Variants in COL6A6 observed in about 807,000 individuals in gnomAD.
COL6A6 encodes the protein collagen type VI alpha 6 chain, also known as collagen alpha-6(VI) chain.
A neutral mutation model predicts 208.6 loss-of-function variants in COL6A6; 183 were observed. That is an observed-to-expected ratio of 0.88 (90% CI 0.78 to 0.99). The LOEUF (loss-of-function observed/expected upper bound fraction) is 0.99, where lower values mean the gene tolerates loss of function less well. COL6A6 is among the 50% of genes least tolerant of loss of function. The pLI is 0.00. For missense variants in COL6A6, 2,816 were observed against 2,815.2 expected (o/e 1.00, Z -0.01); for synonymous variants, 973 against 1,011.8 (o/e 0.96, Z 0.73).
chr3:130,593,026 G>T (rs1160032587), intron 15 of COL6A6, 35 bp from the exon 16 acceptor site: 1 of 1,591,774 alleles, frequency 6.3e-7, no homozygotes, highest in East Asian at 2.2e-5. Context: ...ACATGCACGT[G>T]ATGTACTCTG....
intron 29 of COL6A6, 57 bp downstream of exon 29, chr3:130,641,771 C>G: frequency 1.0e-6 from 1 of 980,438 alleles, no homozygotes; most frequent in South Asian, 1.7e-5. Context: ...AAAAAAAAGT[C>G]AGTGCATGAA....
chr3:130,663,973 C>A (rs956895005), intron 35 of COL6A6, among the ~76,000 whole-genome samples: 1 of 152,198 alleles, frequency 6.6e-6, no homozygotes, highest in East Asian at 1.9e-4. Flanking sequence ...CTTGTACTAA[C>A]GCATTCAACA....
chr3:130,531,317 G>A (rs1341346079), intron 1 of COL6A6, among the ~76,000 whole-genome samples: 1 of 152,006 alleles, frequency 6.6e-6, no homozygotes, highest in African/African-American at 2.4e-5. Flanking sequence ...GTAGTGGGTT[G>A]ACCTCTACCC....
chr3:130,532,608 CTA>C (rs966685424), intron 1 of COL6A6, among the ~76,000 whole-genome samples: 1 of 152,236 alleles, frequency 6.6e-6, no homozygotes, highest in African/African-American at 2.4e-5. Flanking sequence ...GTCTCCACTC[CTA>C]TGACTTGTGG....
intron 19 of COL6A6, among the ~76,000 whole-genome samples, chr3:130,598,976 T>G (rs1487195746): frequency 6.6e-6 from 1 of 152,148 alleles, no homozygotes; most frequent in Admixed American, 6.5e-5. Flanking sequence ...TAATGTTCCC[T>G]TGATGACTGT....
chr3:130,603,025 A>G (rs2064071860), intron 20 of COL6A6, among the ~76,000 whole-genome samples: 1 of 152,214 alleles, frequency 6.6e-6, no homozygotes, highest in Admixed American at 6.5e-5. Flanking sequence ...TAAGCGGGTA[A>G]GTGATTGGAG....
At chr3:130,604,295 C>A (rs541353481) in intron 20 of COL6A6, among the ~76,000 whole-genome samples, 1 of 152,148 alleles carries the variant, frequency 6.6e-6, no homozygotes, top group South Asian at 2.1e-4. Context: ...AGATCGAGAC[C>A]ATCCTGGCTA....
At chr3:130,646,071 C>T (rs2065454329) in intron 32 of COL6A6, among the ~76,000 whole-genome samples, 1 of 152,048 alleles carries the variant, frequency 6.6e-6, no homozygotes, top group South Asian at 2.1e-4. Context: ...AAAGGGAAGC[C>T]CAGCACATTA....
intron 23 of COL6A6, among the ~76,000 whole-genome samples, chr3:130,611,058 G>A (rs1375092073): frequency 6.7e-6 from 1 of 149,974 alleles, no homozygotes; most frequent in African/African-American, 2.4e-5. Context: ...GGCTAAATAT[G>A]ATAATCTCCT....
chr3:130,641,224 T>C (rs1467352434), intron 28 of COL6A6, among the ~76,000 whole-genome samples: 1 of 145,008 alleles, frequency 6.9e-6, no homozygotes, highest in Non-Finnish European at 1.6e-5. Flanking sequence ...TATTGCCTGT[T>C]ACAACAACAA....
chr3:130,539,819 G>T (rs2062317151), intron 1 of COL6A6, among the ~76,000 whole-genome samples: 1 of 152,060 alleles, frequency 6.6e-6, no homozygotes, highest in South Asian at 2.1e-4. Flanking sequence ...CCCTGCAATT[G>T]TTTCATACCT....
intron 26 of COL6A6, 92 bp from the exon 27 acceptor site, chr3:130,634,498 A>G (rs2065050641): frequency 8.5e-7 from 1 of 1,181,330 alleles, no homozygotes; most frequent in South Asian, 1.4e-5. Flanking sequence ...AGAGGTACCA[A>G]AACTACACAG....
At chr3:130,590,451 T>G (rs1399105796) in intron 12 of COL6A6, among the ~76,000 whole-genome samples, 1 of 133,628 alleles carries the variant, frequency 7.5e-6, no homozygotes, top group Non-Finnish European at 1.6e-5. Context: ...CCTAATGCTA[T>G]CCCTCTCCCT....
intron 23 of COL6A6, among the ~76,000 whole-genome samples, chr3:130,614,458 G>C (rs529555478): frequency 1.5e-4 from 23 of 152,266 alleles, no homozygotes; most frequent in Admixed American, 4.6e-4. Flanking sequence ...AAGAATATCA[G>C]CCTGAAGTTT....
chr3:130,641,226 C>T (rs2065299369), intron 28 of COL6A6, among the ~76,000 whole-genome samples: 1 of 144,904 alleles, frequency 6.9e-6, no homozygotes, highest in Non-Finnish European at 1.6e-5. Context: ...TTGCCTGTTA[C>T]AACAACAAAC....
intron 1 of COL6A6, among the ~76,000 whole-genome samples, chr3:130,531,876 A>T (rs1341388903): frequency 6.6e-6 from 1 of 152,232 alleles, no homozygotes; most frequent in Non-Finnish European, 1.5e-5. Flanking sequence ...ATGTAAAAGC[A>T]ATTTATAAAC....
chr3:130,544,002 A>G (rs543492746), intron 1 of COL6A6, among the ~76,000 whole-genome samples: 1 of 152,332 alleles, frequency 6.6e-6, no homozygotes, highest in East Asian at 1.9e-4. Flanking sequence ...TATATCATTC[A>G]TCTAACACAG....
At chr3:130,666,898 A>T (rs1226020245) in intron 36 of COL6A6, among the ~76,000 whole-genome samples, 1 of 152,220 alleles carries the variant, frequency 6.6e-6, no homozygotes, top group African/African-American at 2.4e-5. Flanking sequence ...TGGACATAGT[A>T]TGGGGAAATG....
chr3:130,673,220 A>AAAAAAAAAAAAACC (rs1553724907), intron 36 of COL6A6, among the ~76,000 whole-genome samples: 2 of 129,624 alleles, frequency 1.5e-5, no homozygotes, highest in African/African-American at 5.8e-5. Context: ...AAAAAAACAA[A>AAAAAAAAAAAAACC]AAAAAAAAAC....
Sources: allele counts gnomAD v4.1 joint callset (sites outside exome capture counted in the v4.1 genomes callset), GRCh38; gene constraint gnomAD v4.1.1; transcripts MANE v1.5; gene names NCBI Gene and HGNC (gene_info 2026-07-23, HGNC 2026-07-21).